The following NELL1 variants were observed in gnomAD, a reference collection of about 807,000 sequenced individuals.
NELL1 encodes the protein neural EGFL like 1.
In NELL1, 76 loss-of-function variants were observed where a neutral mutation model predicts 107.4. That is an observed-to-expected ratio of 0.71 (90% CI 0.59 to 0.86). NELL1 has a LOEUF of 0.86. NELL1 is among the 40% of genes least tolerant of loss of function. The pLI, the probability that NELL1 is intolerant of heterozygous loss-of-function variation, is 0.00. For missense variants in NELL1, 1,024 were observed against 1,005.5 expected, an observed-to-expected ratio of 1.02 and a Z score of -0.25; for synonymous variants, 353 against 341.2, an observed-to-expected ratio of 1.03 and a Z score of -0.38.
chr11:20,916,726 C>A (rs1435933531), intron 5 of NELL1, among the ~76,000 whole-genome samples: 1 of 151,806 alleles, frequency 6.6e-6, no homozygotes, highest in African/African-American at 2.4e-5. Context: ...ATAGTTTTGT[C>A]TGTTTACATT....
At chr11:21,457,875 A>G (rs11026095) in intron 15 of NELL1, among the ~76,000 whole-genome samples, 49,967 of 152,112 alleles carry the variant, frequency 0.33, 9,778 homozygotes, top group Middle Eastern at 0.45. Context: ...GAATTTCTAG[A>G]AATATTTAAC....
intron 4 of NELL1, among the ~76,000 whole-genome samples, chr11:20,859,727 C>T (rs1411410369): frequency 6.6e-6 from 1 of 152,116 alleles, no homozygotes; most frequent in African/African-American, 2.4e-5. Flanking sequence ...TTTAGGAGGG[C>T]ATTTGTCGTT....
intron 14 of NELL1, among the ~76,000 whole-genome samples, chr11:21,288,972 A>G (rs1849191469): frequency 6.6e-6 from 1 of 152,176 alleles, no homozygotes. Context: ...AGAAGTGAAG[A>G]CCAAGGCTGT....
At chr11:20,839,989 G>T (rs984090463) in intron 3 of NELL1, among the ~76,000 whole-genome samples, 3 of 152,204 alleles carry the variant, frequency 2.0e-5, no homozygotes, top group African/African-American at 7.2e-5. Context: ...AGGCCAAAAT[G>T]TTTGGGTTTG....
intron 2 of NELL1, among the ~76,000 whole-genome samples, chr11:20,699,501 C>G (rs1564867096): frequency 6.6e-6 from 1 of 152,034 alleles, no homozygotes; most frequent in East Asian, 1.9e-4. Context: ...GCTGGGACTA[C>G]AGGTGCACGC....
At chr11:20,686,746 G>C (rs1854314729) in intron 2 of NELL1, among the ~76,000 whole-genome samples, 1 of 152,128 alleles carries the variant, frequency 6.6e-6, no homozygotes, top group African/African-American at 2.4e-5. Context: ...CTTTCAGGTG[G>C]AATTTACAAG....
intron 14 of NELL1, among the ~76,000 whole-genome samples, chr11:21,360,795 C>T (rs1054546790): frequency 2.6e-5 from 4 of 152,140 alleles, no homozygotes; most frequent in Non-Finnish European, 5.9e-5. Context: ...CTCCTGCTCA[C>T]TTTTGGTGTC....
At chr11:21,216,351 C>A (rs941175456) in intron 13 of NELL1, among the ~76,000 whole-genome samples, 1 of 152,194 alleles carries the variant, frequency 6.6e-6, no homozygotes, top group Non-Finnish European at 1.5e-5. Flanking sequence ...AGCCCCCACA[C>A]GGAGTCCTCA....
At chr11:21,546,316 G>A (rs1294848849) in intron 16 of NELL1, among the ~76,000 whole-genome samples, 3 of 151,882 alleles carry the variant, frequency 2.0e-5, no homozygotes, top group Admixed American at 1.3e-4. Flanking sequence ...GCCTTTTTGA[G>A]GCTCAGTGTG....
intron 14 of NELL1, among the ~76,000 whole-genome samples, chr11:21,336,936 A>G (rs1366722260): frequency 2.0e-5 from 3 of 152,052 alleles, no homozygotes; most frequent in African/African-American, 7.2e-5. Context: ...ACCTGGGTTG[A>G]ATTTGAGACC....
At chr11:21,008,335 A>G (rs1334417539) in intron 12 of NELL1, among the ~76,000 whole-genome samples, 1 of 152,160 alleles carries the variant, frequency 6.6e-6, no homozygotes, top group Non-Finnish European at 1.5e-5. Context: ...GATGCTAATT[A>G]TTTAGTAGAA....
intron 16 of NELL1, among the ~76,000 whole-genome samples, chr11:21,541,819 G>T (rs1214593029): frequency 6.6e-6 from 1 of 152,042 alleles, no homozygotes; most frequent in Non-Finnish European, 1.5e-5. Context: ...CAAATTTCCT[G>T]ACAAGTATTA....
intron 12 of NELL1, among the ~76,000 whole-genome samples, chr11:20,991,964 T>C (rs1045298486): frequency 6.8e-6 from 1 of 146,572 alleles, no homozygotes; most frequent in African/African-American, 2.6e-5. Context: ...TCTCCTTCTT[T>C]GGTTCTTTCA....
At chr11:20,895,647 A>G (rs1432732185) in intron 5 of NELL1, among the ~76,000 whole-genome samples, 2 of 151,498 alleles carry the variant, frequency 1.3e-5, no homozygotes, top group African/African-American at 4.8e-5. Flanking sequence ...CTGGGATTAC[A>G]GGTGTGTGCC....
At chr11:21,553,913 T>G (rs148812605) in intron 16 of NELL1, among the ~76,000 whole-genome samples, 2 of 152,010 alleles carry the variant, frequency 1.3e-5, no homozygotes, top group East Asian at 3.9e-4. Flanking sequence ...TTAAACAATA[T>G]AATGGCTATA....
intron 12 of NELL1, among the ~76,000 whole-genome samples, chr11:21,088,060 TG>T (rs1387463231): frequency 0.02 from 256 of 13,056 alleles, 3 homozygotes; most frequent in African/African-American, 0.1. Context: ...CCAGTAGCTC[TG>T]TGTGTGTGTG....
intron 15 of NELL1, among the ~76,000 whole-genome samples, chr11:21,395,271 A>C (rs1851957326): frequency 6.6e-6 from 1 of 151,506 alleles, no homozygotes; most frequent in African/African-American, 2.4e-5. Context: ...GAAACTAGTC[A>C]GAATTTCTCA....
intron 13 of NELL1, among the ~76,000 whole-genome samples, chr11:21,179,964 A>G (rs1590709443): frequency 7.8e-6 from 1 of 127,754 alleles, no homozygotes; most frequent in East Asian, 2.4e-4. Context: ...GTGTGTTAGC[A>G]GCAGGAAGGC....
At chr11:21,240,490 T>C (rs1858325246) in intron 14 of NELL1, among the ~76,000 whole-genome samples, 1 of 151,938 alleles carries the variant, frequency 6.6e-6, no homozygotes, top group Non-Finnish European at 1.5e-5. Context: ...CTTTGAAAAA[T>C]ATGTCTCAAA....
Sources: allele counts gnomAD v4.1 joint callset (sites outside exome capture counted in the v4.1 genomes callset), GRCh38; gene constraint gnomAD v4.1.1; transcripts MANE v1.5; gene names NCBI Gene and HGNC (gene_info 2026-07-23, HGNC 2026-07-21).